TANC1: variants seen among roughly 807,000 people sequenced by gnomAD.
TANC1 encodes tetratricopeptide repeat, ankyrin repeat and coiled-coil containing 1, also known as protein TANC1.
A neutral mutation model predicts 149.7 loss-of-function variants in TANC1; 77 were observed. The observed-to-expected ratio is 0.51, with a 90% CI of 0.43 to 0.62. The LOEUF (loss-of-function observed/expected upper bound fraction) is 0.62, where lower values mean the gene tolerates loss of function less well. Ranked by LOEUF, TANC1 falls within the 20% of genes least tolerant of loss-of-function variation. The pLI is 0.00. For synonymous variants in TANC1, 854 were observed against 925.0 expected (o/e 0.92, Z 1.39); for missense variants, 1,985 against 2,321.8 (o/e 0.85, Z 2.98).
intron 5 of TANC1, among the ~76,000 whole-genome samples, chr2:159,143,939 C>G (rs893434351): frequency 6.6e-6 from 1 of 151,316 alleles, no homozygotes; most frequent in African/African-American, 2.4e-5. Flanking sequence ...TTAAAATGAA[C>G]TAACATACAG....
At chr2:159,151,287 C>A (rs2052779976) in intron 7 of TANC1, among the ~76,000 whole-genome samples, 1 of 152,058 alleles carries the variant, frequency 6.6e-6, no homozygotes, top group Non-Finnish European at 1.5e-5. Context: ...ATATGCCATC[C>A]CAGACAGACT....
chr2:159,105,596 C>T (rs368617509), intron 4 of TANC1, among the ~76,000 whole-genome samples: 60 of 152,272 alleles, frequency 3.9e-4, no homozygotes, highest in African/African-American at 1.1e-3. Flanking sequence ...CCTCTATACC[C>T]CGCAAAAGAC....
At chr2:159,160,580 T>G (rs2053947569) in intron 7 of TANC1, among the ~76,000 whole-genome samples, 1 of 152,232 alleles carries the variant, frequency 6.6e-6, no homozygotes, top group South Asian at 2.1e-4. Context: ...GGCCTTCATC[T>G]GCTCAGCTGG....
intron 4 of TANC1, among the ~76,000 whole-genome samples, chr2:159,105,686 T>C (rs2047113590): frequency 6.6e-6 from 1 of 152,206 alleles, no homozygotes; most frequent in South Asian, 2.1e-4. Flanking sequence ...CCCCCAGCAT[T>C]GGACAGGTAA....
intron 1 of TANC1, among the ~76,000 whole-genome samples, chr2:158,990,761 G>T (rs1203703493): frequency 6.6e-6 from 1 of 152,076 alleles, no homozygotes; most frequent in African/African-American, 2.4e-5. Context: ...GGTGGGCCTT[G>T]TGTACCTTGC....
chr2:159,082,318 C>T (rs1377144388), intron 3 of TANC1, among the ~76,000 whole-genome samples: 9 of 151,392 alleles, frequency 5.9e-5, no homozygotes, highest in Admixed American at 3.3e-4. Flanking sequence ...GCTCCTGAGT[C>T]AGCAGATTAA....
At chr2:159,077,330 T>A (rs1346262755) in intron 3 of TANC1, among the ~76,000 whole-genome samples, 1 of 152,246 alleles carries the variant, frequency 6.6e-6, no homozygotes, top group Non-Finnish European at 1.5e-5. Context: ...CACTTGTTTT[T>A]GTAAAGCCAT....
At chr2:158,992,489 T>G (rs934691058) in intron 1 of TANC1, among the ~76,000 whole-genome samples, 1 of 152,086 alleles carries the variant, frequency 6.6e-6, no homozygotes, top group Admixed American at 6.6e-5. Flanking sequence ...CATGTACTTA[T>G]AGGCTTTTCT....
At chr2:158,979,177 A>T (rs2034017634) in intron 1 of TANC1, among the ~76,000 whole-genome samples, 1 of 152,134 alleles carries the variant, frequency 6.6e-6, no homozygotes, top group South Asian at 2.1e-4. Flanking sequence ...AGTTTTTCCA[A>T]AGGATCTGTT....
At chr2:159,214,118 C>T (rs2059182745) in intron 19 of TANC1, among the ~76,000 whole-genome samples, 1 of 52,886 alleles carries the variant, frequency 1.9e-5, no homozygotes, top group Non-Finnish European at 3.6e-5. Context: ...GAGCAAGATC[C>T]TGTCTCAAAA....
intron 4 of TANC1, among the ~76,000 whole-genome samples, chr2:159,132,793 C>G (rs1331749861): frequency 6.6e-6 from 1 of 151,812 alleles, no homozygotes; most frequent in Non-Finnish European, 1.5e-5. Context: ...CGTGCCAGGC[C>G]TGGGTACAGT....
chr2:159,060,149 G>A lies in TANC1; in HGVS notation c.-15-5747G>A, dbSNP rs113682276. The A allele has an allele frequency of 6.7e-3, 6,157 of 912,996 alleles. 19 individuals carry two copies. The highest frequency in any genetic ancestry group is 8.0e-3 in the Admixed American group (130 of 16,190). 56.6% of individuals were successfully genotyped at this position (912,996 alleles called of 1,614,324 possible). On this transcript the variant is annotated intron_variant, in intron 2 of 26. Transcript: ENST00000263635. ...TAACTACGTTTTAAGAACTTTTCAA[G>A]CTTCTAACACAGAGGATGTTTTTGA...
intron 17 of TANC1, among the ~76,000 whole-genome samples, chr2:159,196,163 C>T (rs937958732): frequency 2.6e-5 from 4 of 152,224 alleles, no homozygotes; most frequent in African/African-American, 9.6e-5. Context: ...CCACATCCCT[C>T]TCTTTCTTCG....
At chr2:159,135,412 C>G (rs1471401548) in intron 4 of TANC1, among the ~76,000 whole-genome samples, 1 of 152,206 alleles carries the variant, frequency 6.6e-6, no homozygotes, top group Non-Finnish European at 1.5e-5. Context: ...ACATACATTC[C>G]CATAGGAGTA....
intron 5 of TANC1, chr2:159,147,785 C>A (rs2052307342): frequency 6.6e-6 from 1 of 152,242 alleles, no homozygotes; most frequent in Non-Finnish European, 1.5e-5. Flanking sequence ...CTTCCTACTC[C>A]AAACATTAGG....
intron 2 of TANC1, among the ~76,000 whole-genome samples, chr2:159,051,957 C>T (rs2041507907): frequency 6.6e-6 from 1 of 152,156 alleles, no homozygotes; most frequent in Non-Finnish European, 1.5e-5. Context: ...GTATTTTGGA[C>T]TCTGAATTAT....
chr2:159,081,836 C>T (rs762012607), intron 3 of TANC1, among the ~76,000 whole-genome samples: 6 of 152,224 alleles, frequency 3.9e-5, no homozygotes, highest in Non-Finnish European at 7.3e-5. Context: ...GCCCCATGGG[C>T]CAGGCCTCAG....
At chr2:159,117,626 G>A (rs1464896806) in intron 4 of TANC1, among the ~76,000 whole-genome samples, 1 of 150,162 alleles carries the variant, frequency 6.7e-6, no homozygotes, top group Non-Finnish European at 1.5e-5. Flanking sequence ...TCAATCTCCT[G>A]ACCTCGTGAC....
intron 4 of TANC1, among the ~76,000 whole-genome samples, chr2:159,131,959 G>A (rs889243620): frequency 9.9e-5 from 15 of 152,228 alleles, no homozygotes; most frequent in African/African-American, 3.1e-4. Context: ...TGCAGCCAGC[G>A]TCCATGGATG....
Sources: allele counts gnomAD v4.1 joint callset (sites outside exome capture counted in the v4.1 genomes callset), GRCh38; gene constraint gnomAD v4.1.1; transcripts MANE v1.5; gene names NCBI Gene and HGNC (gene_info 2026-07-23, HGNC 2026-07-21).